The following MACROD1 variants were observed in gnomAD, a reference collection of about 807,000 sequenced individuals.
The protein encoded by MACROD1 is mono-ADP ribosylhydrolase 1.
Under a neutral mutation model 41.4 loss-of-function variants are expected in MACROD1, and 31 were observed. The observed-to-expected ratio is 0.75, with a 90% CI of 0.56 to 1.01. MACROD1 has a LOEUF of 1.01. Among genes scored for constraint, MACROD1 ranks in the 50% least tolerant of loss-of-function variants. MACROD1 has a pLI of 0.00. For missense variants in MACROD1, 473 were observed against 460.0 expected (o/e 1.03, Z -0.26); for synonymous variants, 252 against 203.4 (o/e 1.24, Z -2.03).
At chr11:64,034,641 C>G (rs377525226) in intron 3 of MACROD1, among the ~76,000 whole-genome samples, 2 of 152,120 alleles carry the variant, frequency 1.3e-5, no homozygotes. Flanking sequence ...GGGAGAGGTG[C>G]TGGAGTCTCT....
intron 3 of MACROD1, among the ~76,000 whole-genome samples, chr11:64,136,334 T>C (rs1331447980): frequency 6.6e-6 from 1 of 152,262 alleles, no homozygotes; most frequent in Non-Finnish European, 1.5e-5. Context: ...TCAAGCTTCC[T>C]GGATCCCAGA....
chr11:64,134,661 C>A (rs956086876), intron 3 of MACROD1, among the ~76,000 whole-genome samples: 4 of 152,166 alleles, frequency 2.6e-5, no homozygotes, highest in African/African-American at 7.2e-5. Context: ...CTGCGCCACA[C>A]CTGTACACAG....
chr11:64,079,187 G>A (rs943249508), intron 3 of MACROD1, among the ~76,000 whole-genome samples: 2 of 152,148 alleles, frequency 1.3e-5, no homozygotes, highest in Non-Finnish European at 2.9e-5. Context: ...GACTGTGTGT[G>A]GGATGAGGGA....
rs1439248860 is a variant in MACROD1 at position 64,042,190 on chromosome 11, A to G, written c.518-26909T>C. On this transcript the variant is annotated intron_variant, in intron 3 of 10. Transcript: ENST00000255681. The stretch of plus-strand genomic sequence containing the variant: ...TGCACCTTCATGCACACACTCTTGC[A>G]CACACATGCTCACACCTAACCCACC... Among the ~76,000 whole-genome samples the G allele has an allele frequency of 2.6e-5, 4 of 152,260 alleles. No homozygotes were observed. In the East Asian group the frequency reaches 7.7e-4, roughly 29 times the overall value.
intron 3 of MACROD1, among the ~76,000 whole-genome samples, chr11:64,099,026 C>T (rs902691029): frequency 3.3e-5 from 5 of 152,242 alleles, no homozygotes; most frequent in African/African-American, 1.2e-4. Context: ...GCCTGAGGAT[C>T]GTTTCTACTT....
chr11:64,034,325 C>T (rs1164722342), intron 3 of MACROD1, among the ~76,000 whole-genome samples: 1 of 152,192 alleles, frequency 6.6e-6, no homozygotes, highest in Non-Finnish European at 1.5e-5. Flanking sequence ...AAGCTGTTGA[C>T]GCCACAGGGC....
chr11:64,011,195 GGTGTTGGCTGGC>G (rs1370051112), intron 4 of MACROD1, among the ~76,000 whole-genome samples: 3 of 148,524 alleles, frequency 2.0e-5, no homozygotes, highest in African/African-American at 5.0e-5. Flanking sequence ...TATTTGTTGG[GGTGTTGGCTGGC>G]GTGTTGGCTG....
At chr11:64,116,834 G>A in intron 3 of MACROD1, 3 of 1,612,980 alleles carry the variant, frequency 1.9e-6, no homozygotes, top group South Asian at 2.2e-5. Context: ...GGAACCACCT[G>A]AGCAGCATCC....
chr11:64,095,253 C>G (rs755430827), intron 3 of MACROD1, among the ~76,000 whole-genome samples: 45 of 152,164 alleles, frequency 3.0e-4, no homozygotes, highest in Admixed American at 6.5e-5. Context: ...GTCTCTCAGG[C>G]GCACTTTAAG....
chr11:64,144,683 G>A lies in MACROD1; in HGVS notation c.517+6556C>T, dbSNP rs11231707. ...GGGAGCCCAGGGCCAGGCCCATGTT[G>A]CTAACAGGTTCCAGCTGCAAAGTCT... is the stretch of plus-strand genomic sequence containing the variant. On this transcript the variant is annotated intron_variant, in intron 3 of 10. Coordinates refer to ENST00000255681, the MANE Select transcript of MACROD1 (RefSeq NM_014067.4). 8.4e-4 allele frequency among the ~76,000 whole-genome samples: 128 copies of A among 152,288 alleles called. 2 individuals carry two copies. The East Asian group carries it at 0.021, about 25-fold the overall frequency.
chr11:64,096,915 C>T lies in MACROD1; in HGVS notation c.517+54324G>A, dbSNP rs1312907501. Among the ~76,000 whole-genome samples, 2 of 152,216 alleles carry T rather than the reference C, an allele frequency of 1.3e-5. No individual in the cohort carries two copies. The highest frequency in any genetic ancestry group is 2.4e-5 in the African/African-American group (1 of 41,460). On this transcript the variant is annotated intron_variant, in intron 3 of 10. Coordinates refer to ENST00000255681, the MANE Select transcript of MACROD1 (RefSeq NM_014067.4). The surrounding 1 kb of genome is among the most constrained non-coding windows in gnomAD (Gnocchi z 4.6). Reference sequence around the variant, plus strand: ...TGCCTGTCCCTCCGTGAGCTGGGTGCGAGTGGCCCTTGCTGGTCCCCCGCT... The same window carrying T: ...TGCCTGTCCCTCCGTGAGCTGGGTGTGAGTGGCCCTTGCTGGTCCCCCGCT...
intron 3 of MACROD1, chr11:64,116,284 C>A (rs777092995): frequency 1.4e-5 from 23 of 1,598,782 alleles, no homozygotes; most frequent in African/African-American, 2.7e-5. Context: ...GTGGCACACC[C>A]CACCGCCACT....
rs140946602 is a variant in MACROD1, at chr11:64,136,266, C to A, written c.517+14973G>T. Among the ~76,000 whole-genome samples the A allele has an allele frequency of 3.3e-3, 502 of 152,336 alleles. 2 individuals are homozygous for A. The highest frequency in any genetic ancestry group is 0.011 in the African/African-American group (467 of 41,572). ...CCACAACTCCTCATTCATTCATTCA[C>A]CCATTCATTGATTCAGTTAAGGGCA... is the stretch of plus-strand genomic sequence containing the variant. On this transcript the variant is annotated intron_variant, in intron 3 of 10. Transcript: ENST00000255681.
At position 64,165,964 on chromosome 11, in the gene MACROD1, G is replaced by C. The variant is rs895892348; in HGVS notation, c.31C>G (p.Leu11Val). The C allele has an allele frequency of 2.8e-5, 37 of 1,298,594 alleles. No individual in the cohort carries two copies. The South Asian group carries it at 7.4e-4, about 26-fold the overall frequency. 80.4% of individuals were successfully genotyped at this position (1,298,594 alleles called of 1,614,324 possible). MSLQSRLSGR[L>V]AQLRAAGQLL... Reference sequence around the variant, plus strand: ...TGCCCCGCCGCGCGCAGCTGTGCCAGGCGGCCGGACAGTCGGCTCTGTAGA... The same window carrying C: ...TGCCCCGCCGCGCGCAGCTGTGCCACGCGGCCGGACAGTCGGCTCTGTAGA... Residue 11 changes from leucine (L) to valine (V), a missense_variant, in exon 1 of 11, where the codon CTG becomes GTG. By Grantham distance (32) the Leu-to-Val change is conservative (BLOSUM62 1). Transcript: ENST00000255681.
At chr11:64,016,060 C>T (rs1163565159) in intron 3 of MACROD1, among the ~76,000 whole-genome samples, 2 of 152,196 alleles carry the variant, frequency 1.3e-5, no homozygotes, top group Non-Finnish European at 2.9e-5. Context: ...GTCCCCGCCC[C>T]CTCCTTGGAC....
chr11:64,048,565 G>T (rs990653189), intron 3 of MACROD1, among the ~76,000 whole-genome samples: 10 of 152,186 alleles, frequency 6.6e-5, no homozygotes, highest in Non-Finnish European at 1.5e-4. Context: ...AGTCAAGCAG[G>T]ATGGTTAATA....
chr11:64,003,073 C>T (rs1329092349), intron 4 of MACROD1, among the ~76,000 whole-genome samples: 1 of 152,178 alleles, frequency 6.6e-6, no homozygotes, highest in Non-Finnish European at 1.5e-5. Flanking sequence ...ACTTGGGTGG[C>T]GGGACCCCCC....
chr11:64,139,729 G>A (rs1174763261), intron 3 of MACROD1, among the ~76,000 whole-genome samples: 1 of 151,720 alleles, frequency 6.6e-6, no homozygotes, highest in African/African-American at 2.4e-5. Flanking sequence ...GGTGGAGGCG[G>A]GCGGATCACG....
intron 3 of MACROD1, among the ~76,000 whole-genome samples, chr11:64,115,687 G>A (rs967415021): frequency 3.3e-5 from 5 of 152,130 alleles, no homozygotes; most frequent in Non-Finnish European, 5.9e-5. Context: ...TGAGCTCCTG[G>A]GCCTTCCAGC....
Sources: allele counts gnomAD v4.1 joint callset (sites outside exome capture counted in the v4.1 genomes callset), GRCh38; gene constraint gnomAD v4.1.1; non-coding constraint Gnocchi (gnomAD v3.1); transcripts MANE v1.5; gene names NCBI Gene and HGNC (gene_info 2026-07-23, HGNC 2026-07-21).